Variants in SYNPO2 observed in about 807,000 individuals in gnomAD.
SYNPO2 encodes synaptopodin 2, also known as synaptopodin-2.
A neutral mutation model predicts 85.0 loss-of-function variants in SYNPO2; 56 were observed. The ratio of observed to expected loss-of-function variants is 0.66; its 90% confidence interval spans 0.53 to 0.82. SYNPO2 has a LOEUF of 0.82. SYNPO2 is among the 40% of genes least tolerant of loss of function. SYNPO2 has a pLI of 0.00. For missense variants in SYNPO2, 1,575 were observed against 1,534.2 expected, an observed-to-expected ratio of 1.03 and a Z score of -0.44; for synonymous variants, 602 against 591.1, an observed-to-expected ratio of 1.02 and a Z score of -0.27.
At chr4:118,869,588 G>C (rs1401898457) in intron 1 of SYNPO2, among the ~76,000 whole-genome samples, 2 of 152,138 alleles carry the variant, frequency 1.3e-5, no homozygotes, top group Non-Finnish European at 2.9e-5. Flanking sequence ...CTATAGAATT[G>C]GTTGACTGGC....
At chr4:118,981,760 C>T (rs1388677715) in intron 1 of SYNPO2, among the ~76,000 whole-genome samples, 1 of 152,114 alleles carries the variant, frequency 6.6e-6, no homozygotes, top group Non-Finnish European at 1.5e-5. Context: ...TGCTGTCGTC[C>T]ATTTTACTCC....
At chr4:118,929,553 T>C (rs1320439821) in intron 1 of SYNPO2, among the ~76,000 whole-genome samples, 1 of 152,168 alleles carries the variant, frequency 6.6e-6, no homozygotes, top group Non-Finnish European at 1.5e-5. Flanking sequence ...ATAGAAGAAC[T>C]TGTACTTCAT....
At chr4:118,867,107 A>G (rs1230823118) in intron 1 of SYNPO2, among the ~76,000 whole-genome samples, 1 of 152,134 alleles carries the variant, frequency 6.6e-6, no homozygotes, top group Non-Finnish European at 1.5e-5. Flanking sequence ...TCATTCACAT[A>G]TTGCTTATGG....
chr4:119,038,009 T>G, intron 4 of SYNPO2: 8 of 322,134 alleles, frequency 2.5e-5, no homozygotes, highest in Non-Finnish European at 3.6e-5. Flanking sequence ...ATTTTACAGA[T>G]GAGGTATCTA....
chr4:118,998,288 T>C (rs1487983963), intron 1 of SYNPO2, among the ~76,000 whole-genome samples: 1 of 152,206 alleles, frequency 6.6e-6, no homozygotes, highest in Non-Finnish European at 1.5e-5. Context: ...TTATTTGTAT[T>C]GCTAGGACTG....
chr4:118,863,680 T>C (rs866224275), intron 1 of SYNPO2, among the ~76,000 whole-genome samples: 7 of 152,146 alleles, frequency 4.6e-5, no homozygotes, highest in South Asian at 2.1e-4. Context: ...GGCGTGATCC[T>C]GGCTCACTGC....
chr4:119,035,046 G>C, intron 4 of SYNPO2: 8 of 985,434 alleles, frequency 8.1e-6, no homozygotes, highest in Non-Finnish European at 9.6e-6. Context: ...GCCAGCTCAA[G>C]AGCGACAATC....
chr4:119,007,040 A>C (rs1032146832), intron 1 of SYNPO2, among the ~76,000 whole-genome samples: 8 of 150,844 alleles, frequency 5.3e-5, no homozygotes, highest in African/African-American at 1.9e-4. Context: ...TAGGCAATGT[A>C]CTTGGCTCTT....
Position 119,031,390 on chromosome 4 carries a change from G to A in SYNPO2, c.2615G>A (p.Gly872Glu), listed in dbSNP as rs1463268127. The part of the protein sequence containing the change: ...SNELPGMSGR[G>E]AQLFAKRQSR... ...GAGCTTCCAGGAATGAGTGGGAGAGGAGCTCAGCTCTTTGCTAAAAGGCAG... is the reference window on the plus strand; with the variant it reads ...GAGCTTCCAGGAATGAGTGGGAGAGAAGCTCAGCTCTTTGCTAAAAGGCAG... The change falls in exon 4 of 5, where the codon GGA becomes GAA. Residue 872 changes from glycine (G) to glutamate (E), a missense_variant. This residue lies in a region of SYNPO2 where 1,508 missense variants were observed against 1,446.8 expected (regional missense o/e 1.04). Coordinates refer to ENST00000307142, the MANE Select transcript of SYNPO2 (RefSeq NM_133477.3). 1.5e-5 allele frequency: 24 copies of A among 1,614,016 alleles called. No homozygotes were observed. Among genetic ancestry groups the A allele is most frequent in the Non-Finnish European group, 2.0e-5 (24 of 1,180,040 alleles).
At position 119,030,196 on chromosome 4, in the gene SYNPO2, A is replaced by C; in HGVS notation, c.1421A>C (p.Lys474Thr). ...WDSGLVDIEK[K>T]LNRGDKMEML... ...TCTGGACTGGTGGACATTGAAAAGA[A>C]ACTGAACAGAGGGGACAAGATGGAG... The change falls in exon 4 of 5, where the codon AAA (lysine) becomes ACA (threonine). Residue 474 changes from lysine (K) to threonine (T), a missense_variant. Coordinates refer to ENST00000307142, the MANE Select transcript of SYNPO2 (RefSeq NM_133477.3). The C allele has an allele frequency of 6.2e-7, 1 of 1,614,110 alleles. No individual in the cohort carries two copies. The highest frequency in any genetic ancestry group is 2.2e-5 in the East Asian group (1 of 44,860).
At chr4:118,982,832 C>G (rs907585468) in intron 1 of SYNPO2, among the ~76,000 whole-genome samples, 3 of 152,122 alleles carry the variant, frequency 2.0e-5, no homozygotes, top group African/African-American at 7.2e-5. Context: ...CACGATAGTT[C>G]TTGAATACAT....
intron 4 of SYNPO2, among the ~76,000 whole-genome samples, chr4:119,052,337 A>G (rs571624725): frequency 2.0e-5 from 3 of 152,240 alleles, no homozygotes; most frequent in Admixed American, 6.5e-5. Context: ...ACAGCTTCCT[A>G]AGGGAGCATA....
At chr4:119,052,288 G>T (rs1209576106) in intron 4 of SYNPO2, among the ~76,000 whole-genome samples, 1 of 152,186 alleles carries the variant, frequency 6.6e-6, no homozygotes, top group African/African-American at 2.4e-5. Flanking sequence ...GCCTCTCTGA[G>T]GGGGCAGATG....
At chr4:118,902,098 C>G (rs1177001815) in intron 1 of SYNPO2, among the ~76,000 whole-genome samples, 3 of 152,150 alleles carry the variant, frequency 2.0e-5, no homozygotes, top group African/African-American at 7.2e-5. Context: ...GAAGTCCAGG[C>G]TTTCACAGTG....
intron 1 of SYNPO2, among the ~76,000 whole-genome samples, chr4:119,012,080 G>A (rs563992243): frequency 3.0e-4 from 45 of 152,020 alleles, no homozygotes; most frequent in Middle Eastern, 3.4e-3. Flanking sequence ...CTGCCACCAC[G>A]TCTGGCTAAT....
Position 118,895,329 on chromosome 4 carries a change from G to A in SYNPO2, c.105+6188G>A, listed in dbSNP as rs543748509. On this transcript the variant is annotated intron_variant, in intron 1 of 4. Coordinates refer to ENST00000307142, the MANE Select transcript of SYNPO2 (RefSeq NM_133477.3). ...TCTAGCCCCTCCATGGTTGAGGGAA[G>A]GAGGAAAGATGTGAAGAGGAAAGGG... Among the ~76,000 whole-genome samples, 14 of 152,306 alleles carry A rather than the reference G, an allele frequency of 9.2e-5. No homozygotes were observed. The East Asian group carries it at 2.3e-3, about 25-fold the overall frequency.
intron 1 of SYNPO2, among the ~76,000 whole-genome samples, chr4:118,955,333 C>A (rs1322610426): frequency 1.3e-5 from 2 of 152,004 alleles, no homozygotes; most frequent in Admixed American, 1.3e-4. Context: ...CTGCTTCTAG[C>A]CTCAGAGAAA....
intron 1 of SYNPO2, among the ~76,000 whole-genome samples, chr4:118,854,469 T>A (rs1337108364): frequency 1.3e-5 from 2 of 152,024 alleles, no homozygotes; most frequent in Admixed American, 6.6e-5. Context: ...AATAGTTCAA[T>A]TTTTTTTCTA....
In SYNPO2 at chr4:119,031,128, G is replaced by A. The variant is rs758315263; in HGVS notation, c.2353G>A (p.Ala785Thr). ...PVSPVWSPGV[A>T]PTQPPAFPTS... is the part of the protein sequence containing the mutation. ...TTCCCCAGTCTGGTCTCCAGGAGTG[G>A]CTCCCACCCAACCTCCTGCCTTCCC... Residue 785 changes from alanine (A) to threonine (T), a missense_variant, in exon 4 of 5, where the codon GCT becomes ACT. Coordinates refer to ENST00000307142, the MANE Select transcript of SYNPO2 (RefSeq NM_133477.3). The A allele has an allele frequency of 6.2e-7, 1 of 1,614,024 alleles. No individual in the cohort carries two copies. Among genetic ancestry groups the A allele is most frequent in the Non-Finnish European group, 8.5e-7 (1 of 1,180,012 alleles).
Sources: allele counts gnomAD v4.1 joint callset (sites outside exome capture counted in the v4.1 genomes callset), GRCh38; gene constraint gnomAD v4.1.1; regional missense constraint gnomAD v4.1.1; transcripts MANE v1.5; gene names NCBI Gene and HGNC (gene_info 2026-07-23, HGNC 2026-07-21).